CRPPA: variants seen among roughly 807,000 people sequenced by gnomAD.
The protein encoded by CRPPA is CDP-L-ribitol pyrophosphorylase A.
In CRPPA, 43 loss-of-function variants were observed where a neutral mutation model predicts 52.0. The observed-to-expected ratio is 0.83, with a 90% CI of 0.65 to 1.07. The LOEUF is 1.07. Among genes scored for constraint, CRPPA ranks in the 50% least tolerant of loss-of-function variants. The pLI, the probability that CRPPA is intolerant of heterozygous loss-of-function variation, is 0.00. For synonymous variants in CRPPA, 250 were observed against 203.5 expected (o/e 1.23, Z -1.94); for missense variants, 629 against 551.7 (o/e 1.14, Z -1.40).
intron 5 of CRPPA, among the ~76,000 whole-genome samples, chr7:16,281,805 G>T (rs1443716560): frequency 2.0e-5 from 3 of 152,120 alleles, no homozygotes; most frequent in African/African-American, 7.2e-5. Flanking sequence ...TCTGTCTCAG[G>T]TTAGTAAGGT....
chr7:16,361,028 C>A (rs1200619467), intron 3 of CRPPA, among the ~76,000 whole-genome samples: 1 of 152,014 alleles, frequency 6.6e-6, no homozygotes, highest in Non-Finnish European at 1.5e-5. Context: ...AAAATAACCA[C>A]CCAATTTTAA....
At chr7:16,247,069 A>G (rs544744266) in intron 8 of CRPPA, among the ~76,000 whole-genome samples, 1 of 152,340 alleles carries the variant, frequency 6.6e-6, no homozygotes, top group East Asian at 1.9e-4. Flanking sequence ...ATGTTCATCA[A>G]TTATCTCAGC....
intron 8 of CRPPA, among the ~76,000 whole-genome samples, chr7:16,230,819 A>G (rs567599144): frequency 1.3e-5 from 2 of 152,308 alleles, no homozygotes; most frequent in Admixed American, 1.3e-4. Flanking sequence ...AGGTGTGACA[A>G]TGCCAGAAGC....
intron 9 of CRPPA, among the ~76,000 whole-genome samples, chr7:16,211,096 A>G (rs1289645146): frequency 6.6e-6 from 1 of 152,204 alleles, no homozygotes; most frequent in Non-Finnish European, 1.5e-5. Flanking sequence ...CCCTGAAAAT[A>G]CGTGCATTTT....
At chr7:16,297,918 T>A (rs992060928) in intron 5 of CRPPA, among the ~76,000 whole-genome samples, 3 of 152,200 alleles carry the variant, frequency 2.0e-5, no homozygotes, top group Non-Finnish European at 4.4e-5. Flanking sequence ...TATGTATACA[T>A]CCTATCTATA....
At chr7:16,299,796 T>G (rs561917143) in intron 5 of CRPPA, among the ~76,000 whole-genome samples, 1 of 152,328 alleles carries the variant, frequency 6.6e-6, no homozygotes, top group African/African-American at 2.4e-5. Context: ...GCAAACAATT[T>G]CCAAAGTCAT....
intron 9 of CRPPA, among the ~76,000 whole-genome samples, chr7:16,191,591 G>C (rs1372926701): frequency 1.3e-5 from 2 of 152,088 alleles, no homozygotes; most frequent in African/African-American, 4.8e-5. Flanking sequence ...GAGTGCGCTT[G>C]ATACTTATTT....
At chr7:16,169,700 C>T (rs1343410505) in intron 9 of CRPPA, among the ~76,000 whole-genome samples, 1 of 152,210 alleles carries the variant, frequency 6.6e-6, no homozygotes, top group African/African-American at 2.4e-5. Flanking sequence ...TTGTGCTATG[C>T]TGTATCACCA....
chr7:16,419,890 T>C (rs1479877727), intron 1 of CRPPA, among the ~76,000 whole-genome samples: 2 of 152,182 alleles, frequency 1.3e-5, no homozygotes, highest in East Asian at 1.9e-4. Context: ...TAATTTGATA[T>C]GAGACTGATT....
At chr7:16,098,640 C>G (rs1013829827) in intron 9 of CRPPA, among the ~76,000 whole-genome samples, 5 of 152,188 alleles carry the variant, frequency 3.3e-5, no homozygotes, top group African/African-American at 1.2e-4. Flanking sequence ...ACAAAAACCA[C>G]AAGTGTTAGA....
At chr7:16,407,162 G>A (rs1188975775) in intron 1 of CRPPA, among the ~76,000 whole-genome samples, 1 of 152,046 alleles carries the variant, frequency 6.6e-6, no homozygotes, top group Non-Finnish European at 1.5e-5. Context: ...TTTTTTAGTA[G>A]AGATAGGGTT....
At chr7:16,227,469 C>T (rs1206996116) in intron 8 of CRPPA, among the ~76,000 whole-genome samples, 1 of 151,872 alleles carries the variant, frequency 6.6e-6, no homozygotes, top group African/African-American at 2.4e-5. Flanking sequence ...TTGTGATTTA[C>T]ACTTCCCTGA....
At chr7:16,238,674 T>C (rs944239870) in intron 8 of CRPPA, among the ~76,000 whole-genome samples, 1 of 151,974 alleles carries the variant, frequency 6.6e-6, no homozygotes, top group African/African-American at 2.4e-5. Flanking sequence ...ACATAGAAGG[T>C]CTCAAAAATG....
rs191479316 is a variant in CRPPA at position 16,204,037 on chromosome 7, G to A, written c.1251+12029C>T. Among the ~76,000 whole-genome samples the A allele has an allele frequency of 5.8e-4, 88 of 152,154 alleles. 2 individuals carry two copies. The East Asian group carries it at 9.3e-3, about 16-fold the overall frequency. On this transcript the variant is annotated intron_variant, in intron 9 of 9. Coordinates refer to ENST00000407010, the MANE Select transcript of CRPPA (RefSeq NM_001101426.4). Reference sequence around the variant, plus strand: ...AATTGAGATGAAATTTAAAAATTGCGTATCTATGTTATTTAGCAAACTGTG... The same window carrying A: ...AATTGAGATGAAATTTAAAAATTGCATATCTATGTTATTTAGCAAACTGTG...
chr7:16,299,123 A>C (rs1257519340), intron 5 of CRPPA, among the ~76,000 whole-genome samples: 4 of 152,182 alleles, frequency 2.6e-5, no homozygotes, highest in African/African-American at 7.2e-5. Flanking sequence ...TGATTAATAC[A>C]CTAGGAAAAT....
At chr7:16,179,608 T>C (rs117418493) in intron 9 of CRPPA, among the ~76,000 whole-genome samples, 2,553 of 152,136 alleles carry the variant, frequency 0.017, 29 homozygotes, top group Non-Finnish European at 0.026. Flanking sequence ...AAATAAGGTA[T>C]GGAATCCTCC....
intron 9 of CRPPA, among the ~76,000 whole-genome samples, chr7:16,199,299 T>TTAGAGA (rs1781800351): frequency 6.6e-6 from 1 of 152,172 alleles, no homozygotes; most frequent in Non-Finnish European, 1.5e-5. Flanking sequence ...CTTTACCCTA[T>TTAGAGA]CAGTAGTTAC....
chr7:16,155,952 G>A (rs1255256026), intron 9 of CRPPA, among the ~76,000 whole-genome samples: 1 of 151,908 alleles, frequency 6.6e-6, no homozygotes, highest in Non-Finnish European at 1.5e-5. Context: ...GATATGGCAG[G>A]GATATAAGGG....
rs116966078 is a variant in CRPPA at position 16,151,572 on chromosome 7, G to C, written c.1252-59773C>G. On this transcript the variant is annotated intron_variant, in intron 9 of 9. Coordinates refer to ENST00000407010, the MANE Select transcript of CRPPA (RefSeq NM_001101426.4). ...AATTCCAAAACATTCATTGTAGATGGGTAGAAAAACATTTTAAAGTATATT... is the reference window on the plus strand; with the variant it reads ...AATTCCAAAACATTCATTGTAGATGCGTAGAAAAACATTTTAAAGTATATT... 1.2e-3 allele frequency among the ~76,000 whole-genome samples: 180 copies of C among 151,504 alleles called. 2 individuals carry two copies. In the East Asian group the frequency reaches 0.031, roughly 26 times the overall value.
Sources: allele counts gnomAD v4.1 joint callset (sites outside exome capture counted in the v4.1 genomes callset), GRCh38; gene constraint gnomAD v4.1.1; transcripts MANE v1.5; gene names NCBI Gene and HGNC (gene_info 2026-07-23, HGNC 2026-07-21).